The following DNAH3 variants were observed in gnomAD, a reference collection of about 807,000 sequenced individuals.
DNAH3 encodes axonemal beta dynein heavy chain 3.
A neutral mutation model predicts 432.5 loss-of-function variants in DNAH3; 332 were observed. The observed-to-expected ratio is 0.77, with a 90% CI of 0.70 to 0.84. The LOEUF (loss-of-function observed/expected upper bound fraction) is 0.84. DNAH3 is among the 40% of genes least tolerant of loss of function. The pLI, the probability that DNAH3 is intolerant of heterozygous loss-of-function variation, is 0.00. For synonymous variants in DNAH3, 1,956 were observed against 1,900.2 expected (o/e 1.03, Z -0.76); for missense variants, 4,861 against 5,114.0 (o/e 0.95, Z 1.51).
rs200221614 is a variant in DNAH3 at position 20,979,306 on chromosome 16, C to T, written c.8076+24G>A. 19 of 1,612,128 alleles carry T rather than the reference C, an allele frequency of 1.2e-5. No individual in the cohort carries two copies. In the East Asian group the frequency reaches 4.0e-4, roughly 34 times the overall value. On this transcript the variant is annotated intron_variant, in intron 50 of 61. Transcript: ENST00000261383. Reference sequence around the variant, plus strand: ...CACCTCGTCCCGGGCCTCTTTGTCTCTGTTCTGTTTTGGCAGTGCTCACCT... The same window carrying T: ...CACCTCGTCCCGGGCCTCTTTGTCTTTGTTCTGTTTTGGCAGTGCTCACCT...
chr16:20,939,672 A>T (rs960011067), intron 59 of DNAH3, among the ~76,000 whole-genome samples: 5 of 151,108 alleles, frequency 3.3e-5, no homozygotes, highest in Non-Finnish European at 5.9e-5. Flanking sequence ...CTCAAATAAC[A>T]CTCCTCCAGT....
intron 5 of DNAH3, among the ~76,000 whole-genome samples, chr16:21,139,162 G>A (rs1397368400): frequency 2.6e-5 from 4 of 152,016 alleles, no homozygotes; most frequent in African/African-American, 9.7e-5. Context: ...GTTAATAAGT[G>A]AAAGTTGTCT....
chr16:21,108,680 C>T (rs566484497), intron 14 of DNAH3, among the ~76,000 whole-genome samples: 21 of 152,272 alleles, frequency 1.4e-4, no homozygotes, highest in Middle Eastern at 3.4e-3. Flanking sequence ...GAGGTCGAGG[C>T]TGCAGTAAGC....
Position 21,059,964 on chromosome 16 carries a change from G to A in DNAH3, c.3813+300C>T, listed in dbSNP as rs910322467. On this transcript the variant is annotated intron_variant, in intron 26 of 61. Transcript: ENST00000261383. ...CTGTAAGGTAAATGAATTATTAATT[G>A]GAAGGGACTCTAAATAGACTTCGTG... Among the ~76,000 whole-genome samples the A allele has an allele frequency of 7.9e-5, 12 of 152,072 alleles. 1 individual carries two copies. The highest frequency in any genetic ancestry group is 5.9e-4 in the Admixed American group (9 of 15,262).
chr16:20,980,230 T>TTATATATAAAATATACATCA (rs1567571758), intron 49 of DNAH3, among the ~76,000 whole-genome samples: 3 of 136,116 alleles, frequency 2.2e-5, no homozygotes, highest in African/African-American at 8.0e-5. Flanking sequence ...TATTATTTAT[T>TTATATATAAAATATACATCA]TATATTATAT....
intron 37 of DNAH3, among the ~76,000 whole-genome samples, chr16:21,029,366 C>T (rs2088753459): frequency 6.6e-6 from 1 of 152,236 alleles, no homozygotes; most frequent in African/African-American, 2.4e-5. Flanking sequence ...GATGTATATC[C>T]AGTGAAGGAA....
chr16:20,940,978 T>C (rs1229733289), intron 59 of DNAH3, among the ~76,000 whole-genome samples: 1 of 152,090 alleles, frequency 6.6e-6, no homozygotes, highest in Non-Finnish European at 1.5e-5. Flanking sequence ...CCTGTGTCTG[T>C]AGACTCAGCT....
At chr16:21,152,428 C>T (rs898481205) in intron 1 of DNAH3, among the ~76,000 whole-genome samples, 4 of 152,228 alleles carry the variant, frequency 2.6e-5, no homozygotes, top group Non-Finnish European at 2.9e-5. Context: ...GAGGTGACAG[C>T]GTGCTGGCAG....
intron 16 of DNAH3, among the ~76,000 whole-genome samples, chr16:21,100,086 G>A (rs2091796265): frequency 6.6e-6 from 1 of 151,870 alleles, no homozygotes; most frequent in Non-Finnish European, 1.5e-5. Context: ...CAAGTGGTTT[G>A]AGTCTCTCTC....
intron 5 of DNAH3, among the ~76,000 whole-genome samples, chr16:21,138,908 A>G (rs955525749): frequency 6.6e-6 from 1 of 152,182 alleles, no homozygotes; most frequent in Non-Finnish European, 1.5e-5. Flanking sequence ...CATTGCTTAA[A>G]CAGTCTATAC....
intron 42 of DNAH3, among the ~76,000 whole-genome samples, chr16:21,002,569 C>T (rs2087077871): frequency 6.6e-6 from 1 of 152,020 alleles, no homozygotes; most frequent in Non-Finnish European, 1.5e-5. Flanking sequence ...TCAAGCGATT[C>T]TCCTGCCTCA....
chr16:21,049,617 C>A, exon 31 of DNAH3: 2 of 1,614,142 alleles, frequency 1.2e-6, no homozygotes, highest in Non-Finnish European at 1.7e-6. Flanking sequence ...CAGCCTGTGC[C>A]AGCCCCTTGA....
chr16:20,935,262 TC>T, intron 61 of DNAH3, 85 bp downstream of exon 61: 1 of 1,531,682 alleles, frequency 6.5e-7, no homozygotes, highest in South Asian at 1.2e-5. Context: ...TCTTAACACA[TC>T]CACATTTTTT....
At chr16:20,970,866 T>C (rs1313480358) in intron 51 of DNAH3, among the ~76,000 whole-genome samples, 1 of 142,658 alleles carries the variant, frequency 7.0e-6, no homozygotes, top group African/African-American at 2.6e-5. Flanking sequence ...CTCTATTCTT[T>C]TTTTTTTTTT....
chr16:21,058,762 T>G (rs1409387233), intron 26 of DNAH3, among the ~76,000 whole-genome samples: 2 of 152,116 alleles, frequency 1.3e-5, no homozygotes, highest in African/African-American at 4.8e-5. Flanking sequence ...CTGCATGTTC[T>G]CACTCATAAG....
intron 11 of DNAH3, among the ~76,000 whole-genome samples, chr16:21,119,546 C>T (rs1419153866): frequency 6.6e-6 from 1 of 151,176 alleles, no homozygotes; most frequent in East Asian, 1.9e-4. Context: ...GGGAGGATGG[C>T]TTGAGCCTGG....
exon 50 of DNAH3, chr16:20,979,381 C>G (rs147761525): frequency 1.2e-6 from 2 of 1,614,128 alleles, no homozygotes; most frequent in Non-Finnish European, 1.7e-6. Context: ...AGCGGTTCCT[C>G]ATCATAGCCA....
exon 10 of DNAH3, chr16:21,122,035 A>G (rs376750691): frequency 1.1e-5 from 17 of 1,613,786 alleles, no homozygotes; most frequent in Non-Finnish European, 1.4e-5. Flanking sequence ...TGAAGACAAT[A>G]ATGGGTTCAC....
At position 21,060,360 on chromosome 16, in the gene DNAH3, T is replaced by C; in HGVS notation, c.3721-4A>G. ...GGAGCCACTTTTCCACCATGCCCTATGGAGCAAGACAGAGAGAGGGTGCAG... is the reference window on the plus strand; with the variant it reads ...GGAGCCACTTTTCCACCATGCCCTACGGAGCAAGACAGAGAGAGGGTGCAG... On this transcript the variant is annotated splice_region_variant and splice_polypyrimidine_tract_variant and intron_variant, in intron 25 of 61. Coordinates refer to ENST00000261383, the Ensembl canonical transcript of DNAH3. 6.2e-7 allele frequency: 1 copy of C among 1,612,904 alleles called. No homozygotes were observed. Among genetic ancestry groups the C allele is most frequent in the Non-Finnish European group, 8.5e-7 (1 of 1,179,300 alleles).
Sources: allele counts gnomAD v4.1 joint callset (sites outside exome capture counted in the v4.1 genomes callset), GRCh38; gene constraint gnomAD v4.1.1; transcripts MANE v1.5; gene names NCBI Gene and HGNC (gene_info 2026-07-23, HGNC 2026-07-21).